The following CRIM1 variants were observed in gnomAD, a reference collection of about 807,000 sequenced individuals.
CRIM1 encodes cysteine rich transmembrane BMP regulator 1.
In CRIM1, 32 loss-of-function variants were observed where a neutral mutation model predicts 116.4. The ratio of observed to expected loss-of-function variants is 0.27; its 90% confidence interval spans 0.21 to 0.37. The LOEUF (loss-of-function observed/expected upper bound fraction) is 0.37, where lower values mean the gene tolerates loss of function less well. CRIM1 is among the 10% of genes least tolerant of loss of function. CRIM1 has a pLI of 1.00. For missense variants in CRIM1, 1,331 were observed against 1,354.8 expected (o/e 0.98, Z 0.28); for synonymous variants, 590 against 509.2 (o/e 1.16, Z -2.13).
At chr2:36,376,946 C>A (rs1210165241) in intron 1 of CRIM1, among the ~76,000 whole-genome samples, 1 of 152,168 alleles carries the variant, frequency 6.6e-6, no homozygotes, top group Non-Finnish European at 1.5e-5. Flanking sequence ...ATCACTCTCT[C>A]TAATGTAGAG....
At chr2:36,522,955 G>GTTTTTTTTTTTTTTTTTTTTT (rs977894291) in intron 13 of CRIM1, among the ~76,000 whole-genome samples, 1 of 148,022 alleles carries the variant, frequency 6.8e-6, no homozygotes. Context: ...TTTTACAGTG[G>GTTTTTTTTTTTTTTTTTTTTT]TTTTTTTTTT....
intron 3 of CRIM1, 73 bp from the exon 4 acceptor site, chr2:36,442,542 A>G: frequency 6.4e-7 from 1 of 1,573,676 alleles, no homozygotes. Flanking sequence ...GTCAAGAGCT[A>G]GTATTTCATT....
chr2:36,385,687 C>T (rs1203228260), intron 1 of CRIM1, among the ~76,000 whole-genome samples: 1 of 152,130 alleles, frequency 6.6e-6, no homozygotes, highest in Non-Finnish European at 1.5e-5. Flanking sequence ...CCCTGATGCT[C>T]AGGTCTTCCG....
At chr2:36,532,958 G>T (rs1348094697) in intron 13 of CRIM1, among the ~76,000 whole-genome samples, 1 of 152,110 alleles carries the variant, frequency 6.6e-6, no homozygotes, top group Non-Finnish European at 1.5e-5. Flanking sequence ...CAAACCAGTT[G>T]GAATAATAAA....
chr2:36,536,413 G>C (rs1267339711), intron 13 of CRIM1, among the ~76,000 whole-genome samples: 1 of 152,168 alleles, frequency 6.6e-6, no homozygotes, highest in Non-Finnish European at 1.5e-5. Flanking sequence ...GCTGCTTGTA[G>C]AATCTGAACA....
chr2:36,461,564 A>G (rs1349220673), intron 4 of CRIM1, among the ~76,000 whole-genome samples: 1 of 152,200 alleles, frequency 6.6e-6, no homozygotes, highest in Non-Finnish European at 1.5e-5. Context: ...TAAGCTGTGT[A>G]ACTCCTGTTC....
chr2:36,497,552 C>A (rs1279581878), intron 7 of CRIM1, among the ~76,000 whole-genome samples: 1 of 152,128 alleles, frequency 6.6e-6, no homozygotes, highest in African/African-American at 2.4e-5. Context: ...CTTAAAACAA[C>A]TAAACTTTAG....
chr2:36,363,403 A>T (rs376063647), intron 1 of CRIM1, among the ~76,000 whole-genome samples: 16 of 152,030 alleles, frequency 1.1e-4, no homozygotes, highest in African/African-American at 3.9e-4. Flanking sequence ...AAGTGAAACA[A>T]TTTTACTTGG....
chr2:36,550,037 ATGTATGTGTGTGTG>A lies in CRIM1; in HGVS notation c.*1340_*1353del, dbSNP rs1166209852. 2.7e-5 allele frequency: 4 copies of A among 145,672 alleles called. No homozygotes were observed. The highest frequency in any genetic ancestry group is 8.0e-5 in the African/African-American group (3 of 37,280). 9.0% of individuals were successfully genotyped at this position (145,672 alleles called of 1,614,324 possible). A position where few individuals can be genotyped will look rare whatever the true frequency, so the allele number is the denominator to read the frequency against. Reference sequence around the variant, plus strand: ...ATTGGAAAGATGTGTGTGTGAGAGTATGTATGTGTGTGTGTGTGTGTGTGTGTGTGCGCGCGCAC... The same window carrying A: ...ATTGGAAAGATGTGTGTGTGAGAGTATGTGTGTGTGTGTGTGCGCGCGCAC... On this transcript the variant is annotated 3_prime_UTR_variant, in exon 17 of 17. Coordinates refer to ENST00000280527, the MANE Select transcript of CRIM1 (RefSeq NM_016441.3).
intron 10 of CRIM1, among the ~76,000 whole-genome samples, chr2:36,512,905 G>A (rs1664785547): frequency 6.6e-6 from 1 of 152,138 alleles, no homozygotes; most frequent in South Asian, 2.1e-4. Flanking sequence ...TGCTGCCTGA[G>A]GCTTCTCCAG....
intron 2 of CRIM1, among the ~76,000 whole-genome samples, chr2:36,433,779 A>G (rs1372660468): frequency 1.3e-5 from 2 of 152,068 alleles, no homozygotes; most frequent in Non-Finnish European, 2.9e-5. Context: ...TTTTCCCTTT[A>G]TATTTGGCTA....
In CRIM1 at chr2:36,537,512, C is replaced by G. The variant is rs761214352; in HGVS notation, c.2589C>G (p.Ile863Met). 1 of 1,613,336 alleles carries G rather than the reference C, an allele frequency of 6.2e-7. No homozygotes were observed. Among genetic ancestry groups the G allele is most frequent in the Non-Finnish European group, 8.5e-7 (1 of 1,179,718 alleles). ...CCCCTCTGCCCTGTGTTGAGCCCAT[C>G]AACGTGGAAGGAAGTTGCTGCCCAA... ...SCPPLPCVEPINVEGSCCPMC... is the reference protein window; with the variant it reads ...SCPPLPCVEPMNVEGSCCPMC... The change falls in exon 14 of 17, where the codon ATC (isoleucine) becomes ATG (methionine). Residue 863 changes from isoleucine (I) to methionine (M), a missense_variant. Ile to Met is a conservative substitution (Grantham distance 10). Transcript: ENST00000280527.
intron 1 of CRIM1, among the ~76,000 whole-genome samples, chr2:36,383,627 C>G (rs1241370653): frequency 6.6e-6 from 1 of 152,120 alleles, no homozygotes; most frequent in African/African-American, 2.4e-5. Context: ...ATGAGGGAAG[C>G]AGTTTCTGCT....
chr2:36,449,284 G>A (rs944769967), intron 4 of CRIM1, among the ~76,000 whole-genome samples: 18 of 152,058 alleles, frequency 1.2e-4, no homozygotes, highest in African/African-American at 1.9e-4. Context: ...GGTCCTAGCC[G>A]GTGCACATCA....
At chr2:36,530,029 A>G (rs1222180082) in intron 13 of CRIM1, among the ~76,000 whole-genome samples, 1 of 152,182 alleles carries the variant, frequency 6.6e-6, no homozygotes. Flanking sequence ...ATGGATTAAG[A>G]TCAGATTTTT....
In CRIM1 at chr2:36,499,299, G is replaced by C; in HGVS notation, c.1453G>C (p.Gly485Arg). 1 of 1,614,064 alleles carries C rather than the reference G, an allele frequency of 6.2e-7. No homozygotes were observed. The highest frequency in any genetic ancestry group is 8.5e-7 in the Non-Finnish European group (1 of 1,179,970). The change falls in exon 8 of 17, where the codon GGT becomes CGT. Residue 485 changes from glycine to arginine, a missense_variant. By Grantham distance (125) the Gly-to-Arg change is moderately radical (BLOSUM62 -2). Around this residue, in one of 3 missense-constraint regions of CRIM1, gnomAD observed 690 missense variants for 676.0 expected, o/e 1.02. Transcript: ENST00000280527. ...TCTGACAGGGAAGGACTGCATTAAT[G>C]GTTTCAAACGCGATCACAATGGTTG... ...CTLTGKDCINGFKRDHNGCRT... is the reference protein window; with the variant it reads ...CTLTGKDCINRFKRDHNGCRT...
chr2:36,454,166 C>A (rs1366322747), intron 4 of CRIM1, among the ~76,000 whole-genome samples: 4 of 152,204 alleles, frequency 2.6e-5, no homozygotes, highest in Non-Finnish European at 4.4e-5. Flanking sequence ...CCAGTACCCC[C>A]ATAATAACCC....
intron 14 of CRIM1, among the ~76,000 whole-genome samples, chr2:36,541,883 A>C (rs983384237): frequency 6.6e-6 from 1 of 152,218 alleles, no homozygotes; most frequent in African/African-American, 2.4e-5. Context: ...TGGCCATAGA[A>C]GGCGGCCTGG....
chr2:36,363,529 GC>G (rs59203042), intron 1 of CRIM1, among the ~76,000 whole-genome samples: 13,304 of 77,754 alleles, frequency 0.17, 1,945 homozygotes, highest in East Asian at 0.34. Flanking sequence ...AGTCGTCGCC[GC>G]CCCCCCCCCC....
Sources: gnomAD v4.1 joint callset for allele counts (sites outside exome capture counted in the v4.1 genomes callset) on GRCh38, gnomAD v4.1.1 for gene constraint, gnomAD v4.1.1 regional missense constraint, MANE v1.5 for transcripts, NCBI Gene and HGNC (gene_info 2026-07-23, HGNC 2026-07-21) for gene names.